Variants in SCLT1 observed in about 807,000 individuals in gnomAD.
SCLT1 encodes sodium channel and clathrin linker 1, also known as sodium channel-associated protein 1.
A neutral mutation model predicts 112.8 loss-of-function variants in SCLT1; 78 were observed. That is an observed-to-expected ratio of 0.69 (90% CI 0.58 to 0.83). The LOEUF is 0.83. SCLT1 is among the 40% of genes least tolerant of loss of function. SCLT1 has a pLI of 0.00. For synonymous variants in SCLT1, 257 were observed against 254.7 expected, an observed-to-expected ratio of 1.01 and a Z score of -0.09; for missense variants, 747 against 770.4, an observed-to-expected ratio of 0.97 and a Z score of 0.36.
At chr4:128,875,511 G>C (rs567149045) in intron 4 of SCLT1, among the ~76,000 whole-genome samples, 7 of 152,226 alleles carry the variant, frequency 4.6e-5, no homozygotes, top group Admixed American at 4.6e-4. Flanking sequence ...TAGACTTCAG[G>C]GTCAGAGAGA....
chr4:128,907,389 G>A (rs905316777), intron 18 of SCLT1, among the ~76,000 whole-genome samples: 8 of 152,154 alleles, frequency 5.3e-5, no homozygotes, highest in Admixed American at 4.6e-4. Context: ...CAACTGGAAA[G>A]AAATGGACAG....
intron 18 of SCLT1, among the ~76,000 whole-genome samples, chr4:128,930,756 A>G (rs1356303415): frequency 6.6e-6 from 1 of 152,234 alleles, no homozygotes; most frequent in African/African-American, 2.4e-5. Flanking sequence ...GAGTTTTGAA[A>G]TGTAGAAATT....
chr4:128,953,712 T>C (rs1444656786), intron 13 of SCLT1, among the ~76,000 whole-genome samples: 2 of 148,694 alleles, frequency 1.3e-5, no homozygotes, highest in African/African-American at 5.0e-5. Context: ...GGCAGGAGAA[T>C]GGCGTGAACC....
Position 128,943,089 on chromosome 4 carries a change from C to A in SCLT1, c.1539G>T (p.Arg513Ser). The A allele has an allele frequency of 1.9e-6, 3 of 1,612,954 alleles. No homozygotes were observed. The highest frequency in any genetic ancestry group is 2.2e-5 in the South Asian group (2 of 91,032). Residue 513 changes from arginine (R) to serine (S), a missense_variant, in exon 17 of 21, where the codon AGG becomes AGT. Coordinates refer to ENST00000281142, the MANE Select transcript of SCLT1 (RefSeq NM_144643.4). ...RENCGLVSEQ[R>S]LKLQQENKQL... The stretch of plus-strand genomic sequence containing the variant: ...GTTTATTTTCTTGCTGAAGTTTTAG[C>A]CTTTGTTCACTGACAAGCCCACAGT...
At chr4:129,093,036 T>C (rs1752994383) in intron 1 of SCLT1, 34 bp downstream of exon 1, 1 of 1,477,602 alleles carries the variant, frequency 6.8e-7, no homozygotes, top group Non-Finnish European at 9.5e-7. Flanking sequence ...TATTAAACAT[T>C]GTATATGAAG....
At chr4:128,989,396 T>C (rs1213181348) in intron 9 of SCLT1, among the ~76,000 whole-genome samples, 1 of 151,344 alleles carries the variant, frequency 6.6e-6, no homozygotes, top group African/African-American at 2.4e-5. Flanking sequence ...TTAACCAATT[T>C]AGAAGGAAAT....
chr4:129,062,300 T>C (rs984891713), intron 2 of SCLT1, among the ~76,000 whole-genome samples: 1 of 152,154 alleles, frequency 6.6e-6, no homozygotes, highest in Non-Finnish European at 1.5e-5. Context: ...TCGGTTATTT[T>C]TGTTAAAATG....
rs149525090 is a variant in SCLT1, at chr4:128,999,446, T to C, written c.549+226A>G. Among the ~76,000 whole-genome samples, 1,047 of 152,124 alleles carry C rather than the reference T, an allele frequency of 6.9e-3. 9 individuals carry two copies. The highest frequency in any genetic ancestry group is 0.011 in the Non-Finnish European group (722 of 67,894). On this transcript the variant is annotated intron_variant, in intron 7 of 20. Transcript: ENST00000281142. The stretch of plus-strand genomic sequence containing the variant: ...TCTTTAGCACTAAATTCAGCTTTCA[T>C]TGCTGACAACATTATAGAACCAAAT...
chr4:128,901,488 A>G (rs1227917893), intron 18 of SCLT1, among the ~76,000 whole-genome samples: 3 of 140,774 alleles, frequency 2.1e-5, no homozygotes, highest in Non-Finnish European at 4.6e-5. Context: ...ACAGGGACAC[A>G]GGAAGGGGAA....
chr4:129,038,603 A>G (rs1449038566), intron 5 of SCLT1, among the ~76,000 whole-genome samples: 2 of 152,190 alleles, frequency 1.3e-5, no homozygotes, highest in Admixed American at 1.3e-4. Context: ...TGGGAAATGG[A>G]AGAAAAACAT....
intron 14 of SCLT1, among the ~76,000 whole-genome samples, chr4:128,950,455 T>G (rs1282010491): frequency 1.3e-5 from 2 of 152,316 alleles, no homozygotes; most frequent in African/African-American, 4.8e-5. Flanking sequence ...AGAAATGCAC[T>G]ATAATACTAA....
intron 18 of SCLT1, among the ~76,000 whole-genome samples, chr4:128,896,296 G>A (rs982869079): frequency 2.0e-5 from 3 of 151,474 alleles, no homozygotes; most frequent in African/African-American, 7.3e-5. Context: ...CCAGTACCGG[G>A]TACTGGCTGG....
chr4:128,993,963 G>A (rs894323480), intron 8 of SCLT1, among the ~76,000 whole-genome samples: 1 of 151,986 alleles, frequency 6.6e-6, no homozygotes, highest in African/African-American at 2.4e-5. Flanking sequence ...TCATGTCAGA[G>A]CATATCTATT....
chr4:129,075,548 A>G (rs1225905345), intron 2 of SCLT1, among the ~76,000 whole-genome samples: 2 of 152,178 alleles, frequency 1.3e-5, no homozygotes, highest in South Asian at 4.1e-4. Flanking sequence ...AGCTTCAAGC[A>G]TATATAACTA....
chr4:129,010,195 A>T (rs904112540), intron 5 of SCLT1, among the ~76,000 whole-genome samples: 5 of 152,068 alleles, frequency 3.3e-5, no homozygotes, highest in African/African-American at 1.2e-4. Context: ...CCATTGCTTG[A>T]GTTAGGTTTG....
At chr4:128,981,639 A>C (rs755389331) in intron 9 of SCLT1, among the ~76,000 whole-genome samples, 27 of 150,674 alleles carry the variant, frequency 1.8e-4, no homozygotes, top group Admixed American at 3.3e-4. Flanking sequence ...AGCACTCCTG[A>C]CTCACTGGCC....
chr4:129,023,997 G>C (rs1182307802), intron 5 of SCLT1, among the ~76,000 whole-genome samples: 5 of 152,220 alleles, frequency 3.3e-5, no homozygotes, highest in African/African-American at 1.2e-4. Context: ...AGGGGCGCCC[G>C]CCATTGCCCA....
intron 9 of SCLT1, among the ~76,000 whole-genome samples, chr4:128,984,716 C>A (rs1014162127): frequency 6.6e-6 from 1 of 151,860 alleles, no homozygotes; most frequent in African/African-American, 2.4e-5. Context: ...TCCTTTTTTT[C>A]CTCCCACTCT....
At chr4:128,952,037 C>A (rs748271631) in intron 14 of SCLT1, among the ~76,000 whole-genome samples, 1 of 151,996 alleles carries the variant, frequency 6.6e-6, no homozygotes, top group Non-Finnish European at 1.5e-5. Flanking sequence ...TAAAGGAAGG[C>A]GTAAGACTCT....
Sources: gnomAD v4.1 joint callset for allele counts (sites outside exome capture counted in the v4.1 genomes callset) on GRCh38, gnomAD v4.1.1 for gene constraint, MANE v1.5 for transcripts, NCBI Gene and HGNC (gene_info 2026-07-23, HGNC 2026-07-21) for gene names.